The following UBE2H variants were observed in gnomAD, a reference collection of about 807,000 sequenced individuals.
The protein encoded by UBE2H is ubiquitin-conjugating enzyme E2 H.
In UBE2H, 3 loss-of-function variants were observed where a neutral mutation model predicts 29.0. That is an observed-to-expected ratio of 0.10 (90% confidence interval 0.05 to 0.27). The LOEUF (loss-of-function observed/expected upper bound fraction) is 0.27. Ranked by LOEUF, UBE2H falls within the 10% of genes least tolerant of loss-of-function variation. The pLI is 1.00. For synonymous variants in UBE2H, 69 were observed against 82.9 expected (o/e 0.83, Z 0.91); for missense variants, 68 against 228.2 (o/e 0.30, Z 4.52).
intron 1 of UBE2H, among the ~76,000 whole-genome samples, chr7:129,949,704 G>A (rs1007837083): frequency 1.3e-5 from 2 of 152,140 alleles, no homozygotes; most frequent in African/African-American, 4.8e-5. Flanking sequence ...AACCGAGCGA[G>A]GTGGTGGAAG....
intron 1 of UBE2H, among the ~76,000 whole-genome samples, chr7:129,942,698 TAAA>T (rs541622953): frequency 6.6e-6 from 1 of 152,006 alleles, no homozygotes; most frequent in Non-Finnish European, 1.5e-5. Flanking sequence ...AAAGAAATGT[TAAA>T]AAAAATCTTA....
intron 1 of UBE2H, among the ~76,000 whole-genome samples, chr7:129,942,810 T>C (rs921821771): frequency 1.4e-4 from 22 of 152,142 alleles, no homozygotes; most frequent in Non-Finnish European, 5.9e-5. Flanking sequence ...ATAAAATTGC[T>C]GTTTGTGACT....
intron 1 of UBE2H, among the ~76,000 whole-genome samples, chr7:129,944,156 A>G (rs1221004153): frequency 2.0e-5 from 3 of 152,028 alleles, no homozygotes; most frequent in Non-Finnish European, 1.5e-5. Flanking sequence ...GGAGATCAAG[A>G]CCATCCTCGC....
At chr7:129,847,322 G>T (rs544385816) in intron 5 of UBE2H, among the ~76,000 whole-genome samples, 1 of 152,310 alleles carries the variant, frequency 6.6e-6, no homozygotes, top group Non-Finnish European at 1.5e-5. Flanking sequence ...TTACAGGCAT[G>T]AGCCACCGCG....
chr7:129,921,433 CACGCCTGTAATCCCA>C (rs1202758901), intron 1 of UBE2H, among the ~76,000 whole-genome samples: 10 of 152,128 alleles, frequency 6.6e-5, no homozygotes, highest in Non-Finnish European at 1.2e-4. Flanking sequence ...CATGGTGGCT[CACGCCTGTAATCCCA>C]GCACTTTGGG....
chr7:129,854,060 G>GGTTTTTTTTT (rs1554430936), intron 5 of UBE2H, among the ~76,000 whole-genome samples: 1 of 100,312 alleles, frequency 1.0e-5, no homozygotes, highest in Non-Finnish European at 2.0e-5. Context: ...TTTAGTGTTA[G>GGTTTTTTTTT]TTTTTTTTTT....
chr7:129,920,975 C>CTCTCTGCCTCTA (rs1807149936), intron 1 of UBE2H, among the ~76,000 whole-genome samples: 1 of 145,194 alleles, frequency 6.9e-6, no homozygotes, highest in African/African-American at 2.6e-5. Flanking sequence ...ACAACCTGGA[C>CTCTCTGCCTCTA]AACCTATCAA....
intron 2 of UBE2H, among the ~76,000 whole-genome samples, chr7:129,880,521 A>G (rs1806232510): frequency 6.6e-6 from 1 of 152,196 alleles, no homozygotes; most frequent in African/African-American, 2.4e-5. Context: ...AAATAAATAA[A>G]TAAATAAAAT....
At position 129,854,066 on chromosome 7, in the gene UBE2H, T is replaced by TTTTTTTTTTTTATTTTTTTTA. The variant is rs1554430944; in HGVS notation, c.298+3444_298+3445insTAAAAAAAATAAAAAAAAAAA. Among the ~76,000 whole-genome samples the TTTTTTTTTTTTATTTTTTTTA allele has an allele frequency of 1.5e-3, 229 of 148,962 alleles. 1 individual carries two copies. The highest frequency in any genetic ancestry group is 3.6e-3 in the South Asian group (17 of 4,680). On this transcript the variant is annotated intron_variant, in intron 5 of 6. Coordinates refer to ENST00000355621, the MANE Select transcript of UBE2H (RefSeq NM_003344.4). ...TATTAGTTATTTAGTGTTAGTTTTT[T>TTTTTTTTTTTTATTTTTTTTA]TTTTTTTTTTTTTTTTGGCGGGGCA...
chr7:129,852,485 G>GT (rs1805629398), intron 5 of UBE2H, among the ~76,000 whole-genome samples: 1 of 150,948 alleles, frequency 6.6e-6, no homozygotes, highest in African/African-American at 2.4e-5. Context: ...AAAAAAATTT[G>GT]TATCTCTTGC....
At chr7:129,843,488 T>G (rs1805462588) in intron 5 of UBE2H, among the ~76,000 whole-genome samples, 2 of 152,118 alleles carry the variant, frequency 1.3e-5, no homozygotes, top group Non-Finnish European at 2.9e-5. Flanking sequence ...AAACCTGAGC[T>G]CATCCACTAT....
intron 1 of UBE2H, among the ~76,000 whole-genome samples, chr7:129,946,839 A>C (rs910554260): frequency 6.6e-6 from 1 of 152,194 alleles, no homozygotes; most frequent in Admixed American, 6.5e-5. Flanking sequence ...TCTTTTAAGT[A>C]TTTTACTAAC....
chr7:129,845,721 A>G (rs1299165599), intron 5 of UBE2H, among the ~76,000 whole-genome samples: 1 of 152,248 alleles, frequency 6.6e-6, no homozygotes, highest in African/African-American at 2.4e-5. Flanking sequence ...CTGGCTCCTC[A>G]GTGGTGAACA....
At chr7:129,872,066 G>A (rs1806049627) in intron 3 of UBE2H, among the ~76,000 whole-genome samples, 1 of 152,096 alleles carries the variant, frequency 6.6e-6, no homozygotes, top group African/African-American at 2.4e-5. Flanking sequence ...TATTGGTGAG[G>A]CTGGTCTCGA....
intron 1 of UBE2H, among the ~76,000 whole-genome samples, chr7:129,929,177 C>T (rs964666989): frequency 4.6e-5 from 7 of 152,028 alleles, no homozygotes; most frequent in African/African-American, 1.4e-4. Context: ...AATTAGCTGG[C>T]GTGGTGGCAC....
At chr7:129,874,728 A>G (rs1322258744) in intron 3 of UBE2H, among the ~76,000 whole-genome samples, 1 of 152,208 alleles carries the variant, frequency 6.6e-6, no homozygotes, top group East Asian at 1.9e-4. Context: ...ATGAAGAGAA[A>G]AATGCAACAA....
intron 1 of UBE2H, among the ~76,000 whole-genome samples, chr7:129,918,032 C>T (rs979067788): frequency 6.6e-6 from 1 of 152,140 alleles, no homozygotes; most frequent in Non-Finnish European, 1.5e-5. Flanking sequence ...TTTCAAAACA[C>T]GACTCTCTGT....
chr7:129,886,021 G>A (rs1806353707), intron 1 of UBE2H, among the ~76,000 whole-genome samples: 1 of 152,230 alleles, frequency 6.6e-6, no homozygotes, highest in Admixed American at 6.5e-5. Context: ...TTCTGGATGT[G>A]CTGGTCAGGC....
At chr7:129,838,413 T>G (rs964607958) in intron 6 of UBE2H, among the ~76,000 whole-genome samples, 1 of 152,190 alleles carries the variant, frequency 6.6e-6, no homozygotes, top group Non-Finnish European at 1.5e-5. Flanking sequence ...AGGCCACACA[T>G]TTTGAGGAAG....
Sources: gnomAD v4.1 joint callset for allele counts (sites outside exome capture counted in the v4.1 genomes callset) on GRCh38, gnomAD v4.1.1 for gene constraint, MANE v1.5 for transcripts, NCBI Gene and HGNC (gene_info 2026-07-23, HGNC 2026-07-21) for gene names.